NRG1: variants seen among roughly 807,000 people sequenced by gnomAD.
NRG1 encodes the protein neuregulin 1.
In NRG1, 18 loss-of-function variants were observed where a neutral mutation model predicts 63.8. That is an observed-to-expected ratio of 0.28 (90% CI 0.19 to 0.42). The LOEUF is 0.42. Ranked by LOEUF, NRG1 falls within the 10% of genes least tolerant of loss-of-function variation. The probability of loss-of-function intolerance (pLI) is 1.00; values close to 1 mark genes in which losing one functional copy is unlikely to be tolerated. For synonymous variants in NRG1, 302 were observed against 301.3 expected (o/e 1.00, Z -0.02); for missense variants, 762 against 814.7 (o/e 0.94, Z 0.79).
intron 1 of NRG1, among the ~76,000 whole-genome samples, chr8:32,317,439 C>T (rs961101359): frequency 6.6e-6 from 1 of 152,076 alleles, no homozygotes; most frequent in Non-Finnish European, 1.5e-5. Flanking sequence ...GAAACAAAGC[C>T]GAGGAAGAAG....
intron 1 of NRG1, among the ~76,000 whole-genome samples, chr8:31,869,618 T>C (rs1829301694): frequency 6.6e-6 from 1 of 152,242 alleles, no homozygotes; most frequent in Admixed American, 6.5e-5. Context: ...CGTTTTTGCC[T>C]TTCAGGGATT....
intron 1 of NRG1, among the ~76,000 whole-genome samples, chr8:31,691,052 T>C (rs950676757): frequency 2.6e-5 from 4 of 151,854 alleles, no homozygotes; most frequent in Non-Finnish European, 4.4e-5. Flanking sequence ...GAGGTTGGAG[T>C]CCTGGGTCAC....
At chr8:31,885,247 A>T (rs1381126483) in intron 1 of NRG1, among the ~76,000 whole-genome samples, 1 of 152,130 alleles carries the variant, frequency 6.6e-6, no homozygotes, top group East Asian at 1.9e-4. Flanking sequence ...CTATTTTTGG[A>T]TGTATCAGAA....
intron 1 of NRG1, among the ~76,000 whole-genome samples, chr8:31,796,412 A>ATTTTTT (rs1273292685): frequency 5.4e-5 from 5 of 92,644 alleles, no homozygotes; most frequent in Non-Finnish European, 8.8e-5. Flanking sequence ...ATGGCGTATA[A>ATTTTTT]TCTTTTTTTT....
intron 1 of NRG1, among the ~76,000 whole-genome samples, chr8:31,738,602 G>A (rs1814934201): frequency 1.3e-5 from 2 of 152,166 alleles, no homozygotes; most frequent in South Asian, 4.2e-4. Flanking sequence ...TCCTAAGGCT[G>A]TTGGTGCAAA....
chr8:31,981,111 A>G (rs1275840367), intron 1 of NRG1, among the ~76,000 whole-genome samples: 1 of 152,078 alleles, frequency 6.6e-6, no homozygotes, highest in African/African-American at 2.4e-5. Context: ...TATCAGGCTC[A>G]GAGAGACATG....
At chr8:32,084,995 T>G (rs192831447) in intron 1 of NRG1, among the ~76,000 whole-genome samples, 3 of 152,344 alleles carry the variant, frequency 2.0e-5, no homozygotes, top group Admixed American at 6.5e-5. Flanking sequence ...ACATATAGTT[T>G]ATTATCCAGT....
chr8:31,706,984 G>T (rs948534062), intron 1 of NRG1, among the ~76,000 whole-genome samples: 11 of 151,526 alleles, frequency 7.3e-5, no homozygotes. Context: ...TTTGTATTTT[G>T]ACTCTGAGTA....
rs140365483 is a variant in NRG1 at position 32,719,741 on chromosome 8, TC to T, written c.503-8205del. 1.1e-3 allele frequency among the ~76,000 whole-genome samples: 173 copies of T among 152,162 alleles called. 3 individuals are homozygous for T. In the East Asian group the frequency reaches 0.026, roughly 23 times the overall value. ...CTCTTTGTTTGATTCTAGCCCTAGC[TC>T]CCTTTGTCTCTTTTTTCTACGTTTA... On this transcript the variant is annotated intron_variant, in intron 5 of 11. Transcript: ENST00000356819.
chr8:32,312,811 A>G (rs12546938), intron 1 of NRG1, among the ~76,000 whole-genome samples: 48,040 of 145,556 alleles, frequency 0.33, 8,227 homozygotes, highest in South Asian at 0.49. Context: ...CCTTCCTTCC[A>G]TCCTTCCTGT....
chr8:32,562,895 G>A (rs1404089561), intron 1 of NRG1, among the ~76,000 whole-genome samples: 1 of 152,168 alleles, frequency 6.6e-6, no homozygotes, highest in African/African-American at 2.4e-5. Flanking sequence ...AATTAGCAAG[G>A]TTGATGTAGA....
intron 1 of NRG1, among the ~76,000 whole-genome samples, chr8:31,705,921 T>TG (rs1811105412): frequency 1.3e-5 from 2 of 152,232 alleles, no homozygotes; most frequent in South Asian, 4.1e-4. Context: ...GGCCATGTGA[T>TG]GTTCAGTTGC....
intron 1 of NRG1, among the ~76,000 whole-genome samples, chr8:32,362,264 G>A (rs2129481609): frequency 6.6e-6 from 1 of 152,268 alleles, no homozygotes; most frequent in Non-Finnish European, 1.5e-5. Context: ...TGTGGAAGTA[G>A]ACAACATATC....
rs186443927 is a variant in NRG1, at chr8:32,593,652, T to G, written c.101-2176T>G. On this transcript the variant is annotated intron_variant, in intron 1 of 11. Coordinates refer to ENST00000356819, the Ensembl canonical transcript of NRG1. ...CTGTGCAACCGAGCAAGATCCTGTC[T>G]AAATAAATAAATAAATAAATCCCTT... Among the ~76,000 whole-genome samples the G allele has an allele frequency of 6.7e-3, 960 of 144,008 alleles. 13 individuals are homozygous for G. Among genetic ancestry groups the G allele is most frequent in the African/African-American group, 0.026 (901 of 34,050 alleles). The allele number at this position is 144,008 out of a possible 152,430, so 94.5% of individuals were successfully genotyped here.
At chr8:32,372,952 G>T (rs1189841382) in intron 1 of NRG1, among the ~76,000 whole-genome samples, 1 of 152,184 alleles carries the variant, frequency 6.6e-6, no homozygotes, top group African/African-American at 2.4e-5. Flanking sequence ...ATCATTTTCA[G>T]GGGTAACAGA....
Position 31,932,226 on chromosome 8 carries a change from G to A in NRG1, c.37+292795G>A, listed in dbSNP as rs529082085. 5.3e-5 allele frequency among the ~76,000 whole-genome samples: 8 copies of A among 152,188 alleles called. No individual in the cohort carries two copies. In the South Asian group the frequency reaches 6.2e-4, roughly 12 times the overall value. On this transcript the variant is annotated intron_variant, in intron 1 of 10. Transcript: ENST00000519301. ...CAGGACTTTGGGTGAAATATGCTTC[G>A]TAAATAATGGCATATTTTGCTGTGA...
intron 1 of NRG1, among the ~76,000 whole-genome samples, chr8:32,304,230 C>T (rs556565992): frequency 3.0e-4 from 46 of 152,208 alleles, no homozygotes; most frequent in African/African-American, 1.1e-3. Context: ...CATCAAAGTA[C>T]CAGTGAATGG....
chr8:31,897,464 C>A (rs1831667841), intron 1 of NRG1, among the ~76,000 whole-genome samples: 1 of 152,092 alleles, frequency 6.6e-6, no homozygotes, highest in Non-Finnish European at 1.5e-5. Flanking sequence ...AATAGTCCTG[C>A]AAATCTGTCT....
At chr8:31,935,470 C>G (rs1393456221) in intron 1 of NRG1, among the ~76,000 whole-genome samples, 2 of 151,886 alleles carry the variant, frequency 1.3e-5, no homozygotes, top group Non-Finnish European at 2.9e-5. Flanking sequence ...GTTGCCCAGG[C>G]TGGTCTCAAA....
Sources: gnomAD v4.1 joint callset for allele counts (sites outside exome capture counted in the v4.1 genomes callset) on GRCh38, gnomAD v4.1.1 for gene constraint, MANE v1.5 for transcripts, NCBI Gene and HGNC (gene_info 2026-07-23, HGNC 2026-07-21) for gene names.